Variants in MTMR3 observed in about 807,000 individuals in gnomAD.
MTMR3 encodes the protein phosphatidylinositol-3,5-bisphosphate 3-phosphatase MTMR3.
In MTMR3, 32 loss-of-function variants were observed where a neutral mutation model predicts 132.4. The observed-to-expected ratio is 0.24, with a 90% confidence interval of 0.18 to 0.32. The LOEUF (loss-of-function observed/expected upper bound fraction) is 0.32, where lower values mean the gene tolerates loss of function less well. Among genes scored for constraint, MTMR3 ranks in the 10% least tolerant of loss-of-function variants. The pLI is 1.00. For synonymous variants in MTMR3, 556 were observed against 550.3 expected (o/e 1.01, Z -0.14); for missense variants, 1,216 against 1,489.6 (o/e 0.82, Z 3.02).
chr22:29,966,726 C>CGTGCGTGTGT (rs1484648091), intron 2 of MTMR3, among the ~76,000 whole-genome samples: 6 of 142,972 alleles, frequency 4.2e-5, no homozygotes, highest in African/African-American at 1.5e-4. Flanking sequence ...TAGGGGTGTG[C>CGTGCGTGTGT]GTGTGTGTGT....
At position 30,029,620 on chromosome 22, in the gene MTMR3, C is replaced by T. The variant is rs2067975783; in HGVS notation, c.*3819C>T. The T allele has an allele frequency of 6.6e-6, 1 of 152,318 alleles. No individual in the cohort carries two copies. The highest frequency in any genetic ancestry group is 1.5e-5 in the Non-Finnish European group (1 of 68,036). 9.4% of individuals were successfully genotyped at this position (152,318 alleles called of 1,614,324 possible). A position where few individuals can be genotyped will look rare whatever the true frequency, so the allele number is the denominator to read the frequency against. On this transcript the variant is annotated 3_prime_UTR_variant, in exon 20 of 20. Transcript: ENST00000401950. Reference sequence around the variant, plus strand: ...TTGAAGTTAACTCTAGCCCTGACCTCTATTGATCTTTTGGGAATGAGGGCT... The same window carrying T: ...TTGAAGTTAACTCTAGCCCTGACCTTTATTGATCTTTTGGGAATGAGGGCT...
chr22:29,885,975 T>C (rs887623748), intron 1 of MTMR3, among the ~76,000 whole-genome samples: 3 of 152,218 alleles, frequency 2.0e-5, no homozygotes, highest in African/African-American at 7.2e-5. Flanking sequence ...TGTCAAATCA[T>C]AGAGTAGTAT....
At chr22:30,018,427 G>C (rs575575687) in intron 16 of MTMR3, 2 of 184,644 alleles carry the variant, frequency 1.1e-5, no homozygotes, top group East Asian at 3.0e-4. Context: ...TTAAAAGGCA[G>C]ATGCTGTCAG....
chr22:29,885,987 T>G (rs2064669664), intron 1 of MTMR3, among the ~76,000 whole-genome samples: 1 of 152,200 alleles, frequency 6.6e-6, no homozygotes, highest in Admixed American at 6.5e-5. Flanking sequence ...GAGTAGTATT[T>G]TTAGAGTTGC....
rs199952042 is a variant in MTMR3 at position 30,025,739 on chromosome 22, C to T, written c.3535C>T (p.His1179Tyr). 2.0e-5 allele frequency: 32 copies of T among 1,614,122 alleles called. No homozygotes were observed. Among genetic ancestry groups the T allele is most frequent in the African/African-American group, 2.7e-5 (2 of 74,932 alleles). The change falls in exon 20 of 20, where the codon CAT becomes TAT. Residue 1179 changes from histidine (H) to tyrosine (Y), a missense_variant. Transcript: ENST00000401950. The part of the protein sequence containing the change: ...RVCKSCYSSL[H>Y]PTSSSIDLEL... ...ATGCAAGTCTTGCTATAGCAGCCTA[C>T]ATCCCACAAGCTCCAGCATTGACCT...
intron 10 of MTMR3, 118 bp downstream of exon 10, chr22:30,007,437 T>C: frequency 9.9e-7 from 1 of 1,009,928 alleles, no homozygotes; most frequent in Middle Eastern, 2.3e-4. Flanking sequence ...TGTGCAGAGC[T>C]TCACTTGATG....
intron 3 of MTMR3, chr22:29,977,937 AG>A (rs2056156644): frequency 3.3e-5 from 5 of 152,960 alleles, no homozygotes; most frequent in African/African-American, 1.2e-4. Context: ...ACCTGAGGCC[AG>A]GAGTTGGAGA....
intron 14 of MTMR3, chr22:30,013,862 C>T (rs1277864418): frequency 1.2e-5 from 3 of 245,936 alleles, no homozygotes; most frequent in Non-Finnish European, 2.4e-5. Context: ...GTCTACCAGA[C>T]CCCCATGACT....
At chr22:29,974,553 T>G (rs561782857) in intron 3 of MTMR3, among the ~76,000 whole-genome samples, 7 of 152,384 alleles carry the variant, frequency 4.6e-5, no homozygotes, top group Admixed American at 4.6e-4. Flanking sequence ...TTGTTTTATG[T>G]TGAAAATCAT....
chr22:29,894,904 A>G (rs1216994529), intron 1 of MTMR3, among the ~76,000 whole-genome samples: 1 of 152,174 alleles, frequency 6.6e-6, no homozygotes, highest in Non-Finnish European at 1.5e-5. Flanking sequence ...ATCGGCCCTT[A>G]CTTTATTCTT....
At chr22:29,959,326 G>A (rs1008854462) in intron 2 of MTMR3, among the ~76,000 whole-genome samples, 3 of 152,044 alleles carry the variant, frequency 2.0e-5, no homozygotes, top group Non-Finnish European at 2.9e-5. Flanking sequence ...AGGGGGGTGG[G>A]GGAGTGTTGC....
chr22:29,955,510 A>G (rs1323502025), intron 1 of MTMR3, among the ~76,000 whole-genome samples: 3 of 152,184 alleles, frequency 2.0e-5, no homozygotes, highest in East Asian at 1.9e-4. Flanking sequence ...TCTTCATACT[A>G]AATACTTAAT....
At chr22:30,021,935 C>T in intron 17 of MTMR3, 94 bp from the exon 18 acceptor site, 1 of 974,902 alleles carries the variant, frequency 1.0e-6, no homozygotes, top group Non-Finnish European at 1.6e-6. Context: ...TCGGCCCCAC[C>T]CAGAGTCCTC....
Position 30,028,029 on chromosome 22 carries a change from T to C in MTMR3, c.*2228T>C, listed in dbSNP as rs1044554752. ...CTTGGCAAGGAGCCTCACCATGATG[T>C]TCAAGCACTGAACGCATTTCCTCAG... On this transcript the variant is annotated 3_prime_UTR_variant, in exon 20 of 20. Transcript: ENST00000401950. 4 of 152,326 alleles carry C rather than the reference T, an allele frequency of 2.6e-5. No homozygotes were observed. The highest frequency in any genetic ancestry group is 9.7e-5 in the African/African-American group (4 of 41,442). 9.4% of individuals were successfully genotyped at this position (152,326 alleles called of 1,614,324 possible). A position where few individuals can be genotyped will look rare whatever the true frequency, so the allele number is the denominator to read the frequency against.
intron 1 of MTMR3, among the ~76,000 whole-genome samples, chr22:29,927,190 A>G (rs2065534074): frequency 1.3e-5 from 2 of 152,168 alleles, no homozygotes; most frequent in Admixed American, 6.5e-5. Flanking sequence ...TTATTTCTTG[A>G]CTTTAAATTC....
chr22:29,932,786 A>G (rs1410988990), intron 1 of MTMR3, among the ~76,000 whole-genome samples: 1 of 152,158 alleles, frequency 6.6e-6, no homozygotes, highest in Non-Finnish European at 1.5e-5. Context: ...GAAAATAATA[A>G]TAGTTATAGA....
At chr22:29,914,658 A>G (rs563010535) in intron 1 of MTMR3, among the ~76,000 whole-genome samples, 93 of 152,188 alleles carry the variant, frequency 6.1e-4, no homozygotes, top group Non-Finnish European at 1.2e-3. Context: ...CTATCTAAGG[A>G]ATTGTCTCTA....
intron 10 of MTMR3, 143 bp from the exon 11 acceptor site, chr22:30,007,758 A>C: frequency 1.0e-6 from 1 of 971,136 alleles, no homozygotes; most frequent in Non-Finnish European, 1.5e-6. Context: ...AAAGAGAAAA[A>C]TCCTATGTAT....
intron 1 of MTMR3, among the ~76,000 whole-genome samples, chr22:29,955,597 T>C (rs749054814): frequency 1.1e-4 from 17 of 152,200 alleles, no homozygotes; most frequent in Non-Finnish European, 1.6e-4. Flanking sequence ...CATTGTCATA[T>C]AGTGTGTGTG....
Sources: gnomAD v4.1 joint callset for allele counts (sites outside exome capture counted in the v4.1 genomes callset) on GRCh38, gnomAD v4.1.1 for gene constraint, MANE v1.5 for transcripts, NCBI Gene and HGNC (gene_info 2026-07-23, HGNC 2026-07-21) for gene names.